CAMK2D: variants seen among roughly 807,000 people sequenced by gnomAD.
CAMK2D encodes the protein calcium/calmodulin dependent protein kinase II delta.
A neutral mutation model predicts 84.0 loss-of-function variants in CAMK2D; 37 were observed. That is an observed-to-expected ratio of 0.44 (90% CI 0.34 to 0.58). CAMK2D has a LOEUF of 0.58. CAMK2D is among the 20% of genes least tolerant of loss of function. The pLI is 0.02. For synonymous variants in CAMK2D, 202 were observed against 212.5 expected (o/e 0.95, Z 0.43); for missense variants, 448 against 652.5 (o/e 0.69, Z 3.41).
intron 18 of CAMK2D, among the ~76,000 whole-genome samples, chr4:113,457,929 C>T (rs1158368330): frequency 1.3e-5 from 2 of 152,154 alleles, no homozygotes; most frequent in Non-Finnish European, 2.9e-5. Context: ...AAGCACTGCC[C>T]CTGTCTTTTC....
intron 4 of CAMK2D, among the ~76,000 whole-genome samples, chr4:113,585,723 T>C (rs574714379): frequency 8.3e-6 from 1 of 120,958 alleles, no homozygotes; most frequent in African/African-American, 3.1e-5. Flanking sequence ...TATCATATAG[T>C]ATAGATAGTA....
At position 113,489,986 on chromosome 4, in the gene CAMK2D, G is replaced by T. The variant is rs78772487; in HGVS notation, c.1135+10477C>A. 2.1e-3 allele frequency among the ~76,000 whole-genome samples: 316 copies of T among 149,726 alleles called. 3 individuals carry two copies. The highest frequency in any genetic ancestry group is 7.5e-3 in the African/African-American group (305 of 40,466). ...TATCCTTTGCCCACTTTTTGATGGG[G>T]TTGTTTGTTTTTTTCTTGTAAATGT... On this transcript the variant is annotated intron_variant, in intron 16 of 20. Transcript: ENST00000511664.
chr4:113,497,897 T>G (rs1424366426), intron 16 of CAMK2D, among the ~76,000 whole-genome samples: 1 of 152,212 alleles, frequency 6.6e-6, no homozygotes, highest in African/African-American at 2.4e-5. Context: ...GGGTATGCCT[T>G]TAAGAATATG....
rs564895460 is a variant in CAMK2D at position 113,463,530 on chromosome 4, C to G, written c.1211+1999G>C. 9.9e-5 allele frequency among the ~76,000 whole-genome samples: 15 copies of G among 152,266 alleles called. No individual in the cohort carries two copies. The East Asian group carries it at 2.9e-3, about 29-fold the overall frequency. On this transcript the variant is annotated intron_variant, in intron 17 of 20. Transcript: ENST00000511664. ...TAGCTGGGATTACAGGCATGGACCA[C>G]CACACCTGGCTAATTTTGTACTTTT...
At chr4:113,668,776 T>C (rs1420791799) in intron 2 of CAMK2D, among the ~76,000 whole-genome samples, 2 of 152,082 alleles carry the variant, frequency 1.3e-5, no homozygotes, top group Admixed American at 6.6e-5. Flanking sequence ...GCTAAACATC[T>C]CAAAAATAAT....
At chr4:113,707,042 G>A (rs1024321207) in intron 2 of CAMK2D, among the ~76,000 whole-genome samples, 1 of 152,008 alleles carries the variant, frequency 6.6e-6, no homozygotes. Context: ...CCACGTGCGA[G>A]AATTGAAATG....
intron 4 of CAMK2D, 113 bp from the exon 5 acceptor site, chr4:113,552,209 C>T: frequency 1.7e-6 from 1 of 580,450 alleles, no homozygotes; most frequent in Non-Finnish European, 3.1e-6. Context: ...TAAAAAAAAT[C>T]AAAACTTTTT....
At chr4:113,547,766 T>C in intron 5 of CAMK2D, 50 bp from the exon 6 acceptor site, 1 of 1,202,360 alleles carries the variant, frequency 8.3e-7, no homozygotes, top group South Asian at 1.3e-5. Context: ...TTACACTCAC[T>C]GTCTGTATAC....
intron 4 of CAMK2D, among the ~76,000 whole-genome samples, chr4:113,600,004 C>A (rs2098944991): frequency 6.6e-6 from 1 of 152,046 alleles, no homozygotes; most frequent in Non-Finnish European, 1.5e-5. Flanking sequence ...TGTCCCAGGG[C>A]TGACTTTATT....
intron 4 of CAMK2D, among the ~76,000 whole-genome samples, chr4:113,586,651 C>T (rs1361910577): frequency 1.3e-5 from 2 of 152,118 alleles, no homozygotes; most frequent in Non-Finnish European, 2.9e-5. Context: ...ACTAAAACAC[C>T]TTCTGATCAT....
At chr4:113,499,008 T>C (rs2097988325) in intron 16 of CAMK2D, among the ~76,000 whole-genome samples, 1 of 152,168 alleles carries the variant, frequency 6.6e-6, no homozygotes, top group Non-Finnish European at 1.5e-5. Flanking sequence ...CAGTGGACAA[T>C]GAACAAGTTT....
At chr4:113,664,702 G>A (rs927528034) in intron 2 of CAMK2D, among the ~76,000 whole-genome samples, 1 of 151,704 alleles carries the variant, frequency 6.6e-6, no homozygotes, top group African/African-American at 2.4e-5. Flanking sequence ...ATATTCAATT[G>A]GTTAGAAAAA....
At position 113,452,974 on chromosome 4, in the gene CAMK2D, T is replaced by G. The variant is rs2097267998; in HGVS notation, c.*1571A>C. The stretch of plus-strand genomic sequence containing the variant: ...AAAGAGGAAGGGTTGTTTTTGTTAT[T>G]TTGTTTTTCTTTTTTGCTTCTGCTT... On this transcript the variant is annotated 3_prime_UTR_variant, in exon 21 of 21. Transcript: ENST00000511664. The G allele has an allele frequency of 6.6e-6, 1 of 151,422 alleles. No homozygotes were observed. Among genetic ancestry groups the G allele is most frequent in the Admixed American group, 6.6e-5 (1 of 15,216 alleles). The allele number at this position is 151,422 out of a possible 1,614,324, so 9.4% of individuals were successfully genotyped here. A position where few individuals can be genotyped will look rare whatever the true frequency, so the allele number is the denominator to read the frequency against.
At chr4:113,558,908 C>G (rs752538939) in intron 4 of CAMK2D, among the ~76,000 whole-genome samples, 1 of 151,764 alleles carries the variant, frequency 6.6e-6, no homozygotes, top group Non-Finnish European at 1.5e-5. Context: ...CTTGAGCCTG[C>G]GAGGCTGAGG....
At chr4:113,573,912 G>C (rs566791611) in intron 4 of CAMK2D, among the ~76,000 whole-genome samples, 33 of 152,212 alleles carry the variant, frequency 2.2e-4, no homozygotes, top group African/African-American at 6.7e-4. Context: ...CCATAAGTGA[G>C]AGTCTCTCAT....
chr4:113,531,040 TACC>T (rs2098454820), intron 8 of CAMK2D, among the ~76,000 whole-genome samples, 173 bp downstream of exon 8: 3 of 152,158 alleles, frequency 2.0e-5, no homozygotes, highest in Admixed American at 2.0e-4. Context: ...GCCGGGATTG[TACC>T]ACTGCACTCC....
intron 2 of CAMK2D, among the ~76,000 whole-genome samples, chr4:113,665,726 A>G (rs1452486540): frequency 6.6e-6 from 1 of 152,200 alleles, no homozygotes; most frequent in Admixed American, 6.5e-5. Flanking sequence ...ATTCCTTTGA[A>G]GCTCAAGTCC....
intron 4 of CAMK2D, among the ~76,000 whole-genome samples, chr4:113,578,138 A>T (rs905487295): frequency 5.9e-5 from 9 of 152,152 alleles, no homozygotes; most frequent in African/African-American, 2.2e-4. Flanking sequence ...TTGAAGAAAG[A>T]TATTCTGTTC....
intron 2 of CAMK2D, among the ~76,000 whole-genome samples, chr4:113,698,984 CT>C (rs2099410911): frequency 6.6e-6 from 1 of 151,986 alleles, no homozygotes; most frequent in Non-Finnish European, 1.5e-5. Context: ...AGAAGTATGC[CT>C]TCTGGAGCAA....
Sources: allele counts gnomAD v4.1 joint callset (sites outside exome capture counted in the v4.1 genomes callset), GRCh38; gene constraint gnomAD v4.1.1; transcripts MANE v1.5; gene names NCBI Gene and HGNC (gene_info 2026-07-23, HGNC 2026-07-21).